TSPAN5: variants seen among roughly 807,000 people sequenced by gnomAD.
The protein encoded by TSPAN5 is tetraspanin-5.
A neutral mutation model predicts 37.1 loss-of-function variants in TSPAN5; 10 were observed. The ratio of observed to expected loss-of-function variants is 0.27; its 90% CI spans 0.17 to 0.46. The LOEUF (loss-of-function observed/expected upper bound fraction) is 0.46, where lower values mean the gene tolerates loss of function less well. TSPAN5 is among the 20% of genes least tolerant of loss of function. The probability of loss-of-function intolerance (pLI) is 1.00; values close to 1 mark genes in which losing one functional copy is unlikely to be tolerated. For missense variants in TSPAN5, 195 were observed against 326.6 expected (o/e 0.60, Z 3.11); for synonymous variants, 110 against 118.9 (o/e 0.93, Z 0.48).
chr4:98,527,868 C>T (rs576642734), intron 1 of TSPAN5, among the ~76,000 whole-genome samples: 6 of 152,160 alleles, frequency 3.9e-5, no homozygotes, highest in East Asian at 1.9e-4. Flanking sequence ...TAACAGTAGA[C>T]GGGATAATGT....
intron 1 of TSPAN5, among the ~76,000 whole-genome samples, chr4:98,560,969 T>A (rs1300553840): frequency 6.6e-6 from 1 of 152,216 alleles, no homozygotes; most frequent in African/African-American, 2.4e-5. Flanking sequence ...AGTTTGCAGC[T>A]AGTATAATGA....
At chr4:98,550,797 T>C (rs1005328824) in intron 1 of TSPAN5, among the ~76,000 whole-genome samples, 1 of 152,198 alleles carries the variant, frequency 6.6e-6, no homozygotes, top group Non-Finnish European at 1.5e-5. Flanking sequence ...TAAGGTTTTC[T>C]AGATATAAGA....
At chr4:98,561,319 G>A (rs1194371967) in intron 1 of TSPAN5, among the ~76,000 whole-genome samples, 1 of 152,258 alleles carries the variant, frequency 6.6e-6, no homozygotes, top group East Asian at 1.9e-4. Context: ...GGAGGCCAAG[G>A]TGGGCGGATC....
chr4:98,573,143 T>C (rs1299541329), intron 1 of TSPAN5, among the ~76,000 whole-genome samples: 1 of 152,196 alleles, frequency 6.6e-6, no homozygotes, highest in African/African-American at 2.4e-5. Flanking sequence ...TTCCTTTATA[T>C]TTAGAAAATT....
chr4:98,586,674 A>G (rs555932981), intron 1 of TSPAN5, among the ~76,000 whole-genome samples: 19 of 152,372 alleles, frequency 1.2e-4, no homozygotes, highest in African/African-American at 4.6e-4. Flanking sequence ...AGTTTGTTAC[A>G]GTTAATCAAG....
chr4:98,619,539 T>C (rs940410788), intron 1 of TSPAN5, among the ~76,000 whole-genome samples: 1 of 152,178 alleles, frequency 6.6e-6, no homozygotes, highest in Admixed American at 6.5e-5. Context: ...AAACCATCTA[T>C]GTGCCAGCTA....
intron 1 of TSPAN5, among the ~76,000 whole-genome samples, chr4:98,535,053 T>C (rs1161907188): frequency 6.6e-6 from 1 of 152,228 alleles, no homozygotes; most frequent in Non-Finnish European, 1.5e-5. Flanking sequence ...TATTGTTATG[T>C]GTGAATTTGA....
chr4:98,564,254 C>A (rs1754947048), intron 1 of TSPAN5, among the ~76,000 whole-genome samples: 1 of 152,180 alleles, frequency 6.6e-6, no homozygotes, highest in South Asian at 2.1e-4. Flanking sequence ...ACACCAAATC[C>A]TAGCATTTCT....
intron 1 of TSPAN5, among the ~76,000 whole-genome samples, chr4:98,538,106 G>T (rs1246880207): frequency 1.3e-5 from 2 of 152,238 alleles, no homozygotes; most frequent in Non-Finnish European, 2.9e-5. Flanking sequence ...GGGAATACGT[G>T]CACACAGGAA....
chr4:98,486,301 C>T (rs1486710458), intron 3 of TSPAN5, among the ~76,000 whole-genome samples: 1 of 152,168 alleles, frequency 6.6e-6, no homozygotes, highest in African/African-American at 2.4e-5. Context: ...TTAGCAAAAC[C>T]TACTGCTTAA....
At chr4:98,505,731 C>T (rs1753464786) in intron 2 of TSPAN5, among the ~76,000 whole-genome samples, 1 of 152,216 alleles carries the variant, frequency 6.6e-6, no homozygotes, top group South Asian at 2.1e-4. Context: ...TCCCCACACT[C>T]AGGCCCCAGA....
At chr4:98,584,318 T>C (rs922605488) in intron 1 of TSPAN5, among the ~76,000 whole-genome samples, 3 of 152,224 alleles carry the variant, frequency 2.0e-5, no homozygotes, top group South Asian at 2.1e-4. Flanking sequence ...TCCCATTATA[T>C]GCAAGCAGTG....
At chr4:98,604,741 A>C (rs764121963) in intron 1 of TSPAN5, among the ~76,000 whole-genome samples, 10 of 152,248 alleles carry the variant, frequency 6.6e-5, no homozygotes, top group Admixed American at 2.6e-4. Flanking sequence ...AAAAAGAGGG[A>C]GAGAGAAAAG....
chr4:98,630,777 A>C (rs1174710113), intron 1 of TSPAN5, among the ~76,000 whole-genome samples: 2 of 152,190 alleles, frequency 1.3e-5, no homozygotes, highest in African/African-American at 2.4e-5. Flanking sequence ...TCTGAATTTG[A>C]AGCCCTCCTC....
At chr4:98,518,843 A>G (rs1753794449) in intron 1 of TSPAN5, among the ~76,000 whole-genome samples, 1 of 152,240 alleles carries the variant, frequency 6.6e-6, no homozygotes, top group Non-Finnish European at 1.5e-5. Flanking sequence ...GGTAATTGTG[A>G]CATGTGTTGA....
intron 1 of TSPAN5, among the ~76,000 whole-genome samples, chr4:98,570,492 A>G (rs868765025): frequency 1.3e-5 from 2 of 152,238 alleles, no homozygotes; most frequent in African/African-American, 2.4e-5. Flanking sequence ...TGAAAATTTA[A>G]AAGATCACAA....
intron 1 of TSPAN5, among the ~76,000 whole-genome samples, chr4:98,570,344 C>G (rs1755091958): frequency 1.3e-5 from 2 of 152,144 alleles, no homozygotes. Flanking sequence ...CACAGAAAGG[C>G]AAACATCTAG....
intron 1 of TSPAN5, among the ~76,000 whole-genome samples, chr4:98,653,627 G>C (rs546236305): frequency 1.3e-5 from 2 of 152,232 alleles, no homozygotes; most frequent in East Asian, 3.9e-4. Flanking sequence ...AGGCATTCTA[G>C]AAGTTCTATA....
chr4:98,499,074 G>C (rs1284248437), intron 2 of TSPAN5, among the ~76,000 whole-genome samples: 3 of 152,196 alleles, frequency 2.0e-5, no homozygotes, highest in Non-Finnish European at 4.4e-5. Context: ...GATGAGCAGG[G>C]CTGCCAGGTG....
Sources: allele counts gnomAD v4.1 joint callset (sites outside exome capture counted in the v4.1 genomes callset), GRCh38; gene constraint gnomAD v4.1.1; transcripts MANE v1.5; gene names NCBI Gene and HGNC (gene_info 2026-07-23, HGNC 2026-07-21).